Variants in MTUS2 observed in about 807,000 individuals in gnomAD.
MTUS2 encodes microtubule-associated tumor suppressor candidate 2.
A neutral mutation model predicts 114.1 loss-of-function variants in MTUS2; 40 were observed. The observed-to-expected ratio is 0.35, with a 90% CI of 0.27 to 0.46. MTUS2 has a LOEUF of 0.46. MTUS2 is among the 20% of genes least tolerant of loss of function. The pLI, the probability that MTUS2 is intolerant of heterozygous loss-of-function variation, is 1.00. For missense variants in MTUS2, 1,679 were observed against 1,705.4 expected (o/e 0.98, Z 0.27); for synonymous variants, 688 against 672.0 (o/e 1.02, Z -0.37).
chr13:29,336,524 G>A (rs1000315565), intron 7 of MTUS2, among the ~76,000 whole-genome samples: 22 of 152,168 alleles, frequency 1.4e-4, no homozygotes, highest in African/African-American at 3.6e-4. Flanking sequence ...GCTTTGTCCC[G>A]AAAGGGCACC....
At chr13:29,085,338 T>C (rs1375446599) in intron 4 of MTUS2, among the ~76,000 whole-genome samples, 1 of 152,218 alleles carries the variant, frequency 6.6e-6, no homozygotes, top group East Asian at 1.9e-4. Context: ...GTTACATGAG[T>C]AAATTGTATG....
At chr13:29,433,943 T>C (rs969306151) in intron 8 of MTUS2, among the ~76,000 whole-genome samples, 3 of 152,174 alleles carry the variant, frequency 2.0e-5, no homozygotes, top group African/African-American at 7.2e-5. Context: ...ATTCTATAGC[T>C]CTCTTATTTA....
At chr13:29,463,743 A>T (rs921611091) in intron 9 of MTUS2, among the ~76,000 whole-genome samples, 3 of 152,224 alleles carry the variant, frequency 2.0e-5, no homozygotes, top group Non-Finnish European at 4.4e-5. Context: ...TCATGCCTGT[A>T]ATCCCAGCAC....
intron 8 of MTUS2, among the ~76,000 whole-genome samples, chr13:29,370,682 C>A (rs1378988970): frequency 6.6e-6 from 1 of 152,138 alleles, no homozygotes; most frequent in Non-Finnish European, 1.5e-5. Flanking sequence ...AGACTGTGAA[C>A]AAAATAAACT....
chr13:29,320,406 C>T lies in MTUS2; in HGVS notation c.2807-4207C>T, dbSNP rs114874896. ...CTAGAAGAGAATAAACTTGTGTTGT[C>T]TGAAACTGCTAAGTGATAATTTGTT... On this transcript the variant is annotated intron_variant, in intron 6 of 15. Coordinates refer to ENST00000612955, the MANE Select transcript of MTUS2 (RefSeq NM_001033602.4). Among the ~76,000 whole-genome samples the T allele has an allele frequency of 5.4e-3, 820 of 152,320 alleles. 7 individuals are homozygous for T. The highest frequency in any genetic ancestry group is 0.019 in the African/African-American group (770 of 41,586).
At chr13:29,448,997 G>A (rs1034057472) in intron 9 of MTUS2, among the ~76,000 whole-genome samples, 3 of 151,778 alleles carry the variant, frequency 2.0e-5, no homozygotes, top group African/African-American at 7.3e-5. Context: ...CAAGTGATCC[G>A]CCCACCTCGG....
rs776054880 is a variant in MTUS2, at chr13:29,034,116, G to T, written c.2437G>T (p.Asp813Tyr). The change falls in exon 4 of 16, where the codon GAT becomes TAT. Residue 813 changes from aspartate to tyrosine, a missense_variant. Physicochemically the swap from Asp to Tyr is radical, Grantham distance 160. This residue lies in a region of MTUS2 where 822 missense variants were observed against 899.7 expected (regional missense o/e 0.91). Transcript: ENST00000612955. ...ITTATSLYSS[D>Y]PSADLKKASS... Reference sequence around the variant, plus strand: ...AACAGCCACCAGTCTCTACAGTTCCGATCCTTCAGGTAACCGATCCAACAG... The same window carrying T: ...AACAGCCACCAGTCTCTACAGTTCCTATCCTTCAGGTAACCGATCCAACAG... The T allele has an allele frequency of 1.2e-6, 2 of 1,613,908 alleles. No individual in the cohort carries two copies. Among genetic ancestry groups the T allele is most frequent in the Non-Finnish European group, 1.7e-6 (2 of 1,179,836 alleles).
rs114475016 is a variant in MTUS2, at chr13:29,128,512, G to A, written c.2644+27542G>A. ...AAATGTGAGTGCATATACATTAAAT[G>A]TCAATAACATGATTTTGAAAATCTT... On this transcript the variant is annotated intron_variant, in intron 5 of 15. Transcript: ENST00000612955. Among the ~76,000 whole-genome samples the A allele has an allele frequency of 5.5e-3, 841 of 152,250 alleles. 8 individuals carry two copies. The highest frequency in any genetic ancestry group is 0.019 in the African/African-American group (800 of 41,530).
intron 5 of MTUS2, among the ~76,000 whole-genome samples, chr13:29,188,907 T>A (rs1261113156): frequency 6.6e-6 from 1 of 152,214 alleles, no homozygotes; most frequent in Non-Finnish European, 1.5e-5. Flanking sequence ...TTCATGGTCA[T>A]ATCTTTTTTC....
chr13:29,081,775 GTTTTGTTTTGTTTTGTTTTTGT>G (rs1183744299), intron 4 of MTUS2, among the ~76,000 whole-genome samples: 2 of 1,098 alleles, frequency 1.8e-3, no homozygotes, highest in Non-Finnish European at 4.0e-3. Context: ...TTTTTGTTTT[GTTTTGTTTTGTTTTGTTTTTGT>G]TTTTGTTTTA....
chr13:29,360,695 C>CA (rs1555269189), intron 8 of MTUS2, among the ~76,000 whole-genome samples: 2 of 139,842 alleles, frequency 1.4e-5, no homozygotes, highest in Non-Finnish European at 3.2e-5. Context: ...AACACCCCCC[C>CA]CCCCCCGTAA....
At chr13:29,252,550 T>C (rs1897157762) in intron 5 of MTUS2, among the ~76,000 whole-genome samples, 3 of 152,132 alleles carry the variant, frequency 2.0e-5, no homozygotes, top group African/African-American at 7.2e-5. Flanking sequence ...TTCCAACATC[T>C]AGAATTTCTC....
intron 2 of MTUS2, 93 bp from the exon 3 acceptor site, chr13:29,024,364 T>C (rs922076435): frequency 1.5e-5 from 4 of 274,526 alleles, no homozygotes; most frequent in African/African-American, 2.2e-5. Flanking sequence ...AATAATAATA[T>C]AGAAATGACA....
rs145666378 is a variant in MTUS2 at position 29,066,311 on chromosome 13, C to T, written c.2446+32186C>T. Reference sequence around the variant, plus strand: ...TTTACACATTTATTATCTCTCACCCCGCTGCAGCATATAGTCTGTGATAAC... The same window carrying T: ...TTTACACATTTATTATCTCTCACCCTGCTGCAGCATATAGTCTGTGATAAC... On this transcript the variant is annotated intron_variant, in intron 4 of 15. Coordinates refer to ENST00000612955, the MANE Select transcript of MTUS2 (RefSeq NM_001033602.4). Among the ~76,000 whole-genome samples the T allele has an allele frequency of 3.5e-3, 532 of 152,246 alleles. 2 individuals carry two copies. The highest frequency in any genetic ancestry group is 0.012 in the African/African-American group (509 of 41,546).
intron 5 of MTUS2, among the ~76,000 whole-genome samples, chr13:29,167,324 G>A (rs1469068793): frequency 2.0e-5 from 3 of 150,040 alleles, no homozygotes; most frequent in South Asian, 2.1e-4. Flanking sequence ...GCAGTGAGCC[G>A]AGATCTCACC....
chr13:29,007,045 G>A (rs954496776), intron 2 of MTUS2, among the ~76,000 whole-genome samples: 1 of 152,086 alleles, frequency 6.6e-6, no homozygotes, highest in Non-Finnish European at 1.5e-5. Context: ...CGTCCAATCT[G>A]TTGTGTTCCT....
At chr13:28,927,631 C>T (rs1881394324) in intron 2 of MTUS2, among the ~76,000 whole-genome samples, 1 of 152,100 alleles carries the variant, frequency 6.6e-6, no homozygotes, top group Middle Eastern at 3.2e-3. Context: ...GATAGACAGC[C>T]AAGCAATAAT....
chr13:29,020,410 A>G (rs538316280), intron 2 of MTUS2, among the ~76,000 whole-genome samples: 10 of 152,272 alleles, frequency 6.6e-5, no homozygotes, highest in African/African-American at 2.4e-4. Context: ...CGTTTATCTT[A>G]GTAGAAGGCC....
At chr13:29,340,309 T>C (rs1382886932) in intron 7 of MTUS2, among the ~76,000 whole-genome samples, 1 of 152,170 alleles carries the variant, frequency 6.6e-6, no homozygotes, top group African/African-American at 2.4e-5. Context: ...AGGTAGAAGA[T>C]AGAATTTCTG....
Sources: gnomAD v4.1 joint callset for allele counts (sites outside exome capture counted in the v4.1 genomes callset) on GRCh38, gnomAD v4.1.1 for gene constraint, gnomAD v4.1.1 regional missense constraint, MANE v1.5 for transcripts, NCBI Gene and HGNC (gene_info 2026-07-23, HGNC 2026-07-21) for gene names.